The following FRMD4B variants were observed in gnomAD, a reference collection of about 807,000 sequenced individuals.
FRMD4B encodes the protein FERM domain-containing protein 4B.
Under a neutral mutation model 141.5 loss-of-function variants are expected in FRMD4B, and 74 were observed. That is an observed-to-expected ratio of 0.52 (90% CI 0.43 to 0.63). FRMD4B has a LOEUF of 0.63. Among genes scored for constraint, FRMD4B ranks in the 30% least tolerant of loss-of-function variants. FRMD4B has a pLI of 0.00. For missense variants in FRMD4B, 1,366 were observed against 1,253.4 expected (o/e 1.09, Z -1.36); for synonymous variants, 506 against 467.9 (o/e 1.08, Z -1.05).
At chr3:69,484,145 G>A (rs1355911609) in intron 1 of FRMD4B, among the ~76,000 whole-genome samples, 1 of 152,132 alleles carries the variant, frequency 6.6e-6, no homozygotes, top group Non-Finnish European at 1.5e-5. Context: ...AGGGATGGGA[G>A]GTTAAAATAA....
Position 69,324,052 on chromosome 3 carries a change from C to T in FRMD4B, c.163-10535G>A, listed in dbSNP as rs537715097. Among the ~76,000 whole-genome samples, 60 of 152,118 alleles carry T rather than the reference C, an allele frequency of 3.9e-4. 1 individual carries two copies. In the Middle Eastern group the frequency reaches 0.01, roughly 26 times the overall value. On this transcript the variant is annotated intron_variant, in intron 1 of 22. Coordinates refer to ENST00000398540, the MANE Select transcript of FRMD4B (RefSeq NM_015123.3). Reference sequence around the variant, plus strand: ...AGAGAAAGGTTTTACAATCACCATCCCTTGGCTACTTCCTGGCCCCACACT... The same window carrying T: ...AGAGAAAGGTTTTACAATCACCATCTCTTGGCTACTTCCTGGCCCCACACT...
chr3:69,496,475 A>T (rs1706389998), intron 1 of FRMD4B, among the ~76,000 whole-genome samples: 1 of 152,130 alleles, frequency 6.6e-6, no homozygotes, highest in Non-Finnish European at 1.5e-5. Context: ...ACTTGTGCAG[A>T]ATCTGTCAGC....
chr3:69,271,235 A>AT (rs2093593084), intron 5 of FRMD4B, among the ~76,000 whole-genome samples: 2 of 152,328 alleles, frequency 1.3e-5, no homozygotes, highest in African/African-American at 4.8e-5. Flanking sequence ...GTCTTGACGT[A>AT]TTCCACAAAT....
intron 1 of FRMD4B, among the ~76,000 whole-genome samples, chr3:69,516,017 G>T (rs1019510667): frequency 6.6e-6 from 1 of 152,096 alleles, no homozygotes; most frequent in Non-Finnish European, 1.5e-5. Flanking sequence ...TTGGGGCTAG[G>T]AGTTCAAGAC....
Position 69,480,666 on chromosome 3 carries a change from C to T in FRMD4B, c.-128-47905G>A, listed in dbSNP as rs60057229. On this transcript the variant is annotated intron_variant, in intron 1 of 5. Coordinates refer to the FRMD4B transcript ENST00000459638. ...CTGCTCAGGGGTCAGGGGTCAGGGA[C>T]CCACTTGAGGAGGCAGTCTGCCCGT... Among the ~76,000 whole-genome samples the T allele has an allele frequency of 6.8e-3, 1,039 of 152,316 alleles. 13 individuals are homozygous for T. Among genetic ancestry groups the T allele is most frequent in the African/African-American group, 0.024 (999 of 41,582 alleles).
rs188289712 is a variant in FRMD4B at position 69,496,215 on chromosome 3, G to A, written c.-129+45991C>T. Among the ~76,000 whole-genome samples, 17 of 152,258 alleles carry A rather than the reference G, an allele frequency of 1.1e-4. No individual in the cohort carries two copies. In the East Asian group the frequency reaches 3.3e-3, roughly 29 times the overall value. ...GTAAAAATGCCAGACGCTCAAATCT[G>A]TCTGACTATTTATGCAAGTTATTGT... On this transcript the variant is annotated intron_variant, in intron 1 of 5. Transcript: ENST00000459638.
At position 69,196,975 on chromosome 3, in the gene FRMD4B, G is replaced by A. The variant is rs2092913359; in HGVS notation, c.1017C>T (p.Asn339=). The A allele has an allele frequency of 1.2e-6, 2 of 1,604,496 alleles. No individual in the cohort carries two copies. The highest frequency in any genetic ancestry group is 1.7e-6 in the Non-Finnish European group (2 of 1,171,188). Residue 339 remains asparagine (N), a synonymous_variant, in exon 13 of 23, where the codon AAC becomes AAT. Transcript: ENST00000398540. ...CCCAAATGGACTTGATGAGAGAAGA[G>A]TTAGCATACCATGTTTGCACAAACA... ...SGLFVQTWYA[N]SSLIKSIWVM...
At chr3:69,357,151 T>TGG in intron 1 of FRMD4B, among the ~76,000 whole-genome samples, 1 of 152,268 alleles carries the variant, frequency 6.6e-6, no homozygotes, top group African/African-American at 2.4e-5. Flanking sequence ...GATTCAGTCG[T>TGG]GAGGAAATGG....
At chr3:69,385,109 A>G (rs1704216741) in intron 1 of FRMD4B, among the ~76,000 whole-genome samples, 1 of 151,656 alleles carries the variant, frequency 6.6e-6, no homozygotes, top group Non-Finnish European at 1.5e-5. Context: ...AGTACCAGAG[A>G]GGATGAATGG....
intron 1 of FRMD4B, among the ~76,000 whole-genome samples, chr3:69,526,529 G>A (rs11915680): frequency 2.6e-5 from 4 of 152,020 alleles, no homozygotes; most frequent in East Asian, 1.9e-4. Context: ...CATAAAAATC[G>A]CATTGGCTCT....
intron 1 of FRMD4B, among the ~76,000 whole-genome samples, chr3:69,383,934 TTAAAAA>T (rs1009335908): frequency 2.2e-5 from 3 of 135,030 alleles, no homozygotes; most frequent in African/African-American, 8.1e-5. Context: ...TTGATTAAAG[TTAAAAA>T]TAAGGAGTGG....
At position 69,313,456 on chromosome 3, in the gene FRMD4B, A is replaced by G. The variant is rs1701674829; in HGVS notation, c.224T>C (p.Val75Ala). Residue 75 changes from valine to alanine, a missense_variant, in exon 2 of 23, where the codon GTT (valine) becomes GCT (alanine). Transcript: ENST00000398540. The part of the protein sequence containing the change: ...LLDDRRLELL[V>A]QPKLLARELL... ...ACACATGTGGGCCACACCTACCTGA[A>G]CCAGCAGCTCCAGTCTCCTATCATC... 6.4e-7 allele frequency: 1 copy of G among 1,568,484 alleles called. No homozygotes were observed. Among genetic ancestry groups the G allele is most frequent in the Non-Finnish European group, 8.7e-7 (1 of 1,155,738 alleles).
chr3:69,300,202 C>G (rs987857856), intron 4 of FRMD4B, among the ~76,000 whole-genome samples: 1 of 152,160 alleles, frequency 6.6e-6, no homozygotes, highest in Non-Finnish European at 1.5e-5. Flanking sequence ...TCACAAAATT[C>G]TTTGGCGTGT....
chr3:69,278,593 G>T (rs2093629237), intron 5 of FRMD4B, among the ~76,000 whole-genome samples: 1 of 129,872 alleles, frequency 7.7e-6, no homozygotes, highest in Non-Finnish European at 1.6e-5. Flanking sequence ...CACCCCAGTG[G>T]CCCCAAATTG....
intron 1 of FRMD4B, among the ~76,000 whole-genome samples, chr3:69,455,356 T>C (rs1008535029): frequency 2.6e-5 from 4 of 152,198 alleles, no homozygotes; most frequent in African/African-American, 9.6e-5. Flanking sequence ...GTTATTTGGG[T>C]CTGCACTGCC....
At chr3:69,528,527 A>G (rs1700965707) in intron 1 of FRMD4B, among the ~76,000 whole-genome samples, 1 of 151,824 alleles carries the variant, frequency 6.6e-6, no homozygotes, top group Admixed American at 6.6e-5. Flanking sequence ...ACCATGCTGG[A>G]TTAATTTTTT....
At chr3:69,172,405 T>C (rs1164787090) in intron 22 of FRMD4B, among the ~76,000 whole-genome samples, 1 of 152,244 alleles carries the variant, frequency 6.6e-6, no homozygotes, top group Non-Finnish European at 1.5e-5. Flanking sequence ...TCTCTTTCAG[T>C]GTCTCGGAGT....
At chr3:69,439,373 A>G (rs988263636) in intron 1 of FRMD4B, among the ~76,000 whole-genome samples, 1 of 152,128 alleles carries the variant, frequency 6.6e-6, no homozygotes, top group Non-Finnish European at 1.5e-5. Flanking sequence ...TTGGGGCACA[A>G]CCTACATGAG....
chr3:69,357,279 T>C (rs1210027023), intron 1 of FRMD4B, among the ~76,000 whole-genome samples: 3 of 152,200 alleles, frequency 2.0e-5, no homozygotes, highest in Non-Finnish European at 4.4e-5. Context: ...TGATGCTATA[T>C]CCAACTTGAA....
Sources: gnomAD v4.1 joint callset for allele counts (sites outside exome capture counted in the v4.1 genomes callset) on GRCh38, gnomAD v4.1.1 for gene constraint, MANE v1.5 for transcripts, NCBI Gene and HGNC (gene_info 2026-07-23, HGNC 2026-07-21) for gene names.